The following NAV2 variants were observed in gnomAD, a reference collection of about 807,000 sequenced individuals.
NAV2 encodes neuron navigator 2, also known as helicase, APC down-regulated 1.
In NAV2, 54 loss-of-function variants were observed where a neutral mutation model predicts 223.2. The observed-to-expected ratio is 0.24, with a 90% confidence interval of 0.19 to 0.30. NAV2 has a LOEUF of 0.30. Ranked by LOEUF, NAV2 falls within the 10% of genes least tolerant of loss-of-function variation. The probability of loss-of-function intolerance (pLI) is 1.00; values close to 1 mark genes in which losing one functional copy is unlikely to be tolerated. For missense variants in NAV2, 2,806 were observed against 3,147.5 expected (o/e 0.89, Z 2.60); for synonymous variants, 1,279 against 1,239.3 (o/e 1.03, Z -0.67).
intron 1 of NAV2, among the ~76,000 whole-genome samples, chr11:19,418,516 G>A (rs1460420310): frequency 6.6e-6 from 1 of 152,176 alleles, no homozygotes; most frequent in African/African-American, 2.4e-5. Context: ...GGGAGATGAA[G>A]GACAGGGAAA....
chr11:19,743,344 C>T (rs1302132662), intron 1 of NAV2, among the ~76,000 whole-genome samples: 1 of 152,198 alleles, frequency 6.6e-6, no homozygotes, highest in Non-Finnish European at 1.5e-5. Context: ...ACTACCCAAG[C>T]CTAGCAACAA....
intron 10 of NAV2, among the ~76,000 whole-genome samples, chr11:19,980,799 A>G (rs2050223739): frequency 6.6e-6 from 1 of 152,230 alleles, no homozygotes; most frequent in Non-Finnish European, 1.5e-5. Flanking sequence ...ATATATACAG[A>G]GCTGTTTGTA....
intron 1 of NAV2, chr11:19,351,057 G>C: frequency 7.1e-7 from 1 of 1,404,354 alleles, no homozygotes; most frequent in Non-Finnish European, 9.3e-7. Flanking sequence ...TGGTTGATTG[G>C]ATTATGGTGC....
At chr11:20,071,106 G>GGCCC (rs2059377421) in intron 22 of NAV2, among the ~76,000 whole-genome samples, 1 of 128,376 alleles carries the variant, frequency 7.8e-6, no homozygotes, top group African/African-American at 3.1e-5. Flanking sequence ...CCCTCCCCTA[G>GGCCC]CCCCCCACCC....
intron 1 of NAV2, among the ~76,000 whole-genome samples, chr11:19,482,560 G>T (rs886889747): frequency 1.6e-4 from 25 of 152,178 alleles, no homozygotes; most frequent in Admixed American, 2.6e-4. Context: ...GATGACTGGG[G>T]AAGATAGAGT....
intron 6 of NAV2, among the ~76,000 whole-genome samples, chr11:19,914,237 T>C (rs1385910547): frequency 2.0e-5 from 3 of 152,248 alleles, no homozygotes; most frequent in African/African-American, 4.8e-5. Context: ...CAGTGTCCTT[T>C]TTAATCTTTT....
At chr11:19,608,413 A>G (rs2135305996) in intron 1 of NAV2, among the ~76,000 whole-genome samples, 1 of 152,398 alleles carries the variant, frequency 6.6e-6, no homozygotes, top group South Asian at 2.1e-4. Context: ...TGCAGTGCTT[A>G]TTAGTGCATG....
chr11:19,676,761 C>G (rs542669467), intron 1 of NAV2, among the ~76,000 whole-genome samples: 7 of 152,204 alleles, frequency 4.6e-5, no homozygotes, highest in African/African-American at 1.7e-4. Flanking sequence ...GGTTAGGCCA[C>G]GAGGATGCTG....
At chr11:19,550,724 C>T (rs1439843542) in intron 1 of NAV2, among the ~76,000 whole-genome samples, 1 of 152,222 alleles carries the variant, frequency 6.6e-6, no homozygotes, top group Non-Finnish European at 1.5e-5. Context: ...GGAGGCAGGA[C>T]TCAACTCCTG....
intron 22 of NAV2, among the ~76,000 whole-genome samples, chr11:20,072,365 T>G (rs1042406606): frequency 4.7e-5 from 7 of 150,454 alleles, no homozygotes; most frequent in Non-Finnish European, 3.0e-5. Flanking sequence ...TTGAAGTCAG[T>G]GTGATGTCTC....
chr11:19,410,618 AT>A (rs1486589804), intron 1 of NAV2, among the ~76,000 whole-genome samples: 1 of 152,024 alleles, frequency 6.6e-6, no homozygotes, highest in African/African-American at 2.4e-5. Context: ...GGATATTCTC[AT>A]TTTTTTCTTT....
intron 5 of NAV2, among the ~76,000 whole-genome samples, chr11:19,890,549 A>T (rs1200115364): frequency 6.6e-6 from 1 of 152,158 alleles, no homozygotes; most frequent in Non-Finnish European, 1.5e-5. Context: ...TTGCTCTGAC[A>T]TCATCTTGGA....
At chr11:19,397,487 G>C (rs1265559613) in intron 1 of NAV2, among the ~76,000 whole-genome samples, 2 of 151,822 alleles carry the variant, frequency 1.3e-5, no homozygotes, top group Non-Finnish European at 2.9e-5. Context: ...AACACCTCCT[G>C]TAGCTTATCA....
At chr11:19,668,629 T>G (rs1742511067) in intron 1 of NAV2, among the ~76,000 whole-genome samples, 1 of 148,062 alleles carries the variant, frequency 6.8e-6, no homozygotes, top group Non-Finnish European at 1.5e-5. Flanking sequence ...ATCATCTCAA[T>G]CCAGGGTGGG....
intron 11 of NAV2, among the ~76,000 whole-genome samples, chr11:19,985,795 C>T (rs1034882159): frequency 4.6e-5 from 7 of 152,016 alleles, no homozygotes; most frequent in Admixed American, 2.0e-4. Flanking sequence ...AGGCTGGTCT[C>T]GAACTCTCGA....
chr11:19,707,380 G>A (rs999214555), intron 1 of NAV2, among the ~76,000 whole-genome samples: 2 of 152,044 alleles, frequency 1.3e-5, no homozygotes, highest in African/African-American at 4.8e-5. Flanking sequence ...ATCTTTATAA[G>A]CTTTTTTCTA....
chr11:19,847,646 A>G (rs2060882676), intron 3 of NAV2, among the ~76,000 whole-genome samples: 1 of 152,260 alleles, frequency 6.6e-6, no homozygotes, highest in Non-Finnish European at 1.5e-5. Context: ...TACCTCATAA[A>G]GATTTCATGA....
intron 1 of NAV2, among the ~76,000 whole-genome samples, chr11:19,624,820 C>G (rs1454849859): frequency 6.6e-6 from 1 of 152,234 alleles, no homozygotes; most frequent in Non-Finnish European, 1.5e-5. Flanking sequence ...GTTGGAAATG[C>G]AGAAATCACC....
chr11:19,386,649 A>G (rs1849053641), intron 1 of NAV2, among the ~76,000 whole-genome samples: 1 of 152,040 alleles, frequency 6.6e-6, no homozygotes, highest in African/African-American at 2.4e-5. Flanking sequence ...CCATAGTATA[A>G]CATCAGGAAA....
Sources: gnomAD v4.1 joint callset for allele counts (sites outside exome capture counted in the v4.1 genomes callset) on GRCh38, gnomAD v4.1.1 for gene constraint, MANE v1.5 for transcripts, NCBI Gene and HGNC (gene_info 2026-07-23, HGNC 2026-07-21) for gene names.